LRPPRC: variants seen among roughly 807,000 people sequenced by gnomAD.
LRPPRC encodes leucine rich pentatricopeptide repeat containing.
A neutral mutation model predicts 180.3 loss-of-function variants in LRPPRC; 120 were observed. The ratio of observed to expected loss-of-function variants is 0.67; its 90% confidence interval spans 0.57 to 0.77. The LOEUF (loss-of-function observed/expected upper bound fraction) is 0.77. LRPPRC is among the 30% of genes least tolerant of loss of function. LRPPRC has a pLI of 0.00. For missense variants in LRPPRC, 2,012 were observed against 1,657.2 expected, an observed-to-expected ratio of 1.21 and a Z score of -3.72; for synonymous variants, 723 against 600.0, an observed-to-expected ratio of 1.21 and a Z score of -3.00.
chr2:43,943,969 C>G lies in LRPPRC; in HGVS notation c.2297-75G>C. On this transcript the variant is annotated intron_variant, in intron 22 of 37. Transcript: ENST00000260665. Reference sequence around the variant, plus strand: ...ACAAACTGCTATTAAAACAGCATTTCAAGCCCAGCAGGAATGTAAATTCTA... The same window carrying G: ...ACAAACTGCTATTAAAACAGCATTTGAAGCCCAGCAGGAATGTAAATTCTA... 5 of 1,023,760 alleles carry G rather than the reference C, an allele frequency of 4.9e-6. No individual in the cohort carries two copies. The South Asian group carries it at 6.5e-5, about 13-fold the overall frequency. The allele number at this position is 1,023,760 out of a possible 1,614,324, so 63.4% of individuals were successfully genotyped here.
Position 43,901,465 on chromosome 2 carries a change from C to T in LRPPRC, c.3424G>A (p.Val1142Met), listed in dbSNP as rs1340226201. The change falls in exon 32 of 38, where the codon GTG becomes ATG. Residue 1142 changes from valine to methionine, a missense_variant. Physicochemically the swap from Val to Met is conservative, Grantham distance 21 (BLOSUM62 1). Transcript: ENST00000260665. ...GCCAATGCCTGGATGACACGGGTCA[C>T]TGCTAACCTAGAAGGGGTCTGCTGC... ...DQQQTPSRLA[V>M]TRVIQALAMK... 1 of 1,613,954 alleles carries T rather than the reference C, an allele frequency of 6.2e-7. No individual in the cohort carries two copies. The highest frequency in any genetic ancestry group is 1.3e-5 in the African/African-American group (1 of 74,934).
intron 29 of LRPPRC, 134 bp from the exon 30 acceptor site, chr2:43,912,692 T>C (rs979681962): frequency 1.8e-5 from 12 of 658,196 alleles, no homozygotes; most frequent in East Asian, 2.8e-5. Context: ...TACCACTCTA[T>C]AGAGAGACAC....
intron 23 of LRPPRC, among the ~76,000 whole-genome samples, chr2:43,939,347 GA>G (rs1672393133): frequency 6.9e-6 from 1 of 145,580 alleles, no homozygotes; most frequent in African/African-American, 2.7e-5. Flanking sequence ...GACAAATATT[GA>G]TTTTTTTTAT....
At chr2:43,956,766 G>A (rs1170278701) in intron 14 of LRPPRC, among the ~76,000 whole-genome samples, 3 of 151,918 alleles carry the variant, frequency 2.0e-5, no homozygotes, top group African/African-American at 2.4e-5. Flanking sequence ...GGTGGGCACC[G>A]GTAGTCCCAG....
intron 21 of LRPPRC, among the ~76,000 whole-genome samples, 166 bp from the exon 22 acceptor site, chr2:43,945,583 C>T (rs1041778864): frequency 2.6e-5 from 4 of 152,048 alleles, no homozygotes; most frequent in Non-Finnish European, 2.9e-5. Flanking sequence ...CAAGTTCACA[C>T]GAAATTATAT....
chr2:43,946,235 T>C lies in LRPPRC; in HGVS notation c.2088A>G (p.Gln696=), dbSNP rs1367805520. 6.2e-7 allele frequency: 1 copy of C among 1,611,062 alleles called. No homozygotes were observed. Among genetic ancestry groups the C allele is most frequent in the Non-Finnish European group, 8.5e-7 (1 of 1,177,520 alleles). ...ILVLCSEENM[Q]KALELKAKYE... Reference sequence around the variant, plus strand: ...ATTTTGCTTTCAATTCAAGGGCTTTTTGCATATTCTAAAATACAGCATAGA... The same window carrying C: ...ATTTTGCTTTCAATTCAAGGGCTTTCTGCATATTCTAAAATACAGCATAGA... Residue 696 remains glutamine, a synonymous_variant, in exon 21 of 38, where the codon CAA becomes CAG. Transcript: ENST00000260665.
In LRPPRC at chr2:43,943,849, A is replaced by G; in HGVS notation, c.2342T>C (p.Ile781Thr). The G allele has an allele frequency of 1.2e-6, 2 of 1,613,294 alleles. No homozygotes were observed. The highest frequency in any genetic ancestry group is 1.7e-6 in the Non-Finnish European group (2 of 1,179,358). Residue 781 changes from isoleucine to threonine, a missense_variant, in exon 23 of 38, where the codon ATC becomes ACC. Physicochemically the swap from Ile to Thr is moderately conservative, Grantham distance 89. Transcript: ENST00000260665. ...AAAGGACAAGGCTGTTGTATCTTTG[A>G]TAAGAACATCCTTCTCTTTCATCTC... ...LKEMKEKDVL[I>T]KDTTALSFFH...
intron 1 of LRPPRC, 118 bp from the exon 2 acceptor site, chr2:43,982,552 C>T (rs756830577): frequency 1.2e-5 from 9 of 747,776 alleles, no homozygotes; most frequent in Non-Finnish European, 2.0e-5. Context: ...CAGTACAATA[C>T]CAAAAATAGA....
At chr2:43,941,532 G>A (rs1672480892) in intron 23 of LRPPRC, among the ~76,000 whole-genome samples, 1 of 152,010 alleles carries the variant, frequency 6.6e-6, no homozygotes, top group African/African-American at 2.4e-5. Context: ...TAATCAAATC[G>A]AATACACGTG....
At chr2:43,916,940 T>G in intron 29 of LRPPRC, among the ~76,000 whole-genome samples, 1 of 97,302 alleles carries the variant, frequency 1.0e-5, no homozygotes, top group African/African-American at 4.7e-5. Context: ...GTGAGACCTG[T>G]CTCCGGGGGG....
intron 24 of LRPPRC, 92 bp from the exon 25 acceptor site, chr2:43,934,388 T>A (rs549374521): frequency 1.5e-6 from 1 of 673,134 alleles, no homozygotes; most frequent in East Asian, 2.7e-5. Context: ...ACAAGAAAAA[T>A]TTATTTTAAA....
chr2:43,890,054 C>G (rs933815718), intron 36 of LRPPRC, among the ~76,000 whole-genome samples, 178 bp from the exon 37 acceptor site: 2 of 152,184 alleles, frequency 1.3e-5, no homozygotes, highest in African/African-American at 4.8e-5. Flanking sequence ...CTCTACATCC[C>G]TCATTCGGCA....
At chr2:43,996,048 G>A (rs566946509), upstream of LRPPRC, 4 of 1,218,950 alleles carry the variant, frequency 3.3e-6, no homozygotes, top group South Asian at 4.1e-5. Flanking sequence ...ACTGCCGGGC[G>A]TGCCAAATGT....
In LRPPRC at chr2:43,947,306, G is replaced by C. The variant is rs368197806; in HGVS notation, c.2030C>G (p.Pro677Arg). Residue 677 changes from proline to arginine, a missense_variant, in exon 20 of 38, where the codon CCT becomes CGT. Coordinates refer to ENST00000260665, the MANE Select transcript of LRPPRC (RefSeq NM_133259.4). ...GAGTTGCTTTAGGACATCTCTTATAGGTTGATTTTCAGCTTTTAGTGTTTC... is the reference window on the plus strand; with the variant it reads ...GAGTTGCTTTAGGACATCTCTTATACGTTGATTTTCAGCTTTTAGTGTTTC... The part of the protein sequence containing the change: ...TLETLKAENQ[P>R]IRDVLKQLIL... The C allele has an allele frequency of 6.2e-7, 1 of 1,606,178 alleles. No individual in the cohort carries two copies. Among genetic ancestry groups the C allele is most frequent in the African/African-American group, 1.3e-5 (1 of 74,720 alleles).
At position 43,888,513 on chromosome 2, in the gene LRPPRC, C is replaced by A; in HGVS notation, c.*87G>T. On this transcript the variant is annotated 3_prime_UTR_variant, in exon 38 of 38. Transcript: ENST00000260665. ...TACATAAGTACATAAAGAAAATTTT[C>A]ATTTATTTTTCCCTCAGATATACTT... The A allele has an allele frequency of 1.2e-6, 1 of 864,858 alleles. No homozygotes were observed. The highest frequency in any genetic ancestry group is 1.9e-6 in the Non-Finnish European group (1 of 513,320). The allele number at this position is 864,858 out of a possible 1,614,324, so 53.6% of individuals were successfully genotyped here.
intron 30 of LRPPRC, among the ~76,000 whole-genome samples, chr2:43,910,139 G>A (rs1028629494): frequency 3.3e-5 from 5 of 152,054 alleles, no homozygotes; most frequent in African/African-American, 1.2e-4. Flanking sequence ...GGCTGCAATT[G>A]CAGTTTTGAA....
chr2:43,900,142 T>A (rs1670833610), intron 32 of LRPPRC, among the ~76,000 whole-genome samples: 1 of 152,168 alleles, frequency 6.6e-6, no homozygotes, highest in African/African-American at 2.4e-5. Flanking sequence ...TTTCTTTTTG[T>A]CAGGTATTAT....
intron 22 of LRPPRC, among the ~76,000 whole-genome samples, chr2:43,944,375 C>T (rs945751071): frequency 6.6e-6 from 1 of 151,936 alleles, no homozygotes; most frequent in Admixed American, 6.6e-5. Flanking sequence ...TGAAAGCTTT[C>T]CAAAAGACTG....
intron 27 of LRPPRC, among the ~76,000 whole-genome samples, chr2:43,918,810 GATATATATATATCTAT>G (rs1558938450): frequency 2.5e-5 from 3 of 121,834 alleles, no homozygotes; most frequent in African/African-American, 1.1e-4. Flanking sequence ...TATATATATA[GATATATATATATCTAT>G]ATATAGATAT....
Sources: allele counts gnomAD v4.1 joint callset (sites outside exome capture counted in the v4.1 genomes callset), GRCh38; gene constraint gnomAD v4.1.1; transcripts MANE v1.5; gene names NCBI Gene and HGNC (gene_info 2026-07-23, HGNC 2026-07-21).